SYNE1: variants seen among roughly 807,000 people sequenced by gnomAD.
SYNE1 encodes the protein spectrin repeat containing nuclear envelope protein 1, also known as nesprin-1.
In SYNE1, 616 loss-of-function variants were observed where a neutral mutation model predicts 1,111.0. The ratio of observed to expected loss-of-function variants is 0.55; its 90% CI spans 0.52 to 0.59. SYNE1 has a LOEUF of 0.59. SYNE1 is among the 20% of genes least tolerant of loss of function. The pLI is 0.00. For missense variants in SYNE1, 10,006 were observed against 10,417.0 expected (o/e 0.96, Z 1.72); for synonymous variants, 3,855 against 3,825.8 (o/e 1.01, Z -0.28).
intron 127 of SYNE1, among the ~76,000 whole-genome samples, chr6:152,191,681 A>G (rs1202472532): frequency 1.3e-5 from 2 of 151,890 alleles, no homozygotes; most frequent in African/African-American, 4.8e-5. Context: ...TTGTCAATTT[A>G]TCTTTTCAAA....
intron 95 of SYNE1, among the ~76,000 whole-genome samples, chr6:152,291,404 GA>G (rs1232216261): frequency 3.3e-5 from 5 of 151,680 alleles, no homozygotes; most frequent in Non-Finnish European, 7.4e-5. Context: ...TACCAACTTA[GA>G]AAGGGAAAAA....
chr6:152,263,780 C>T (rs2092369179), intron 100 of SYNE1, among the ~76,000 whole-genome samples: 1 of 151,830 alleles, frequency 6.6e-6, no homozygotes, highest in African/African-American at 2.4e-5. Context: ...TAATTTGTTT[C>T]ACTTCTCTGT....
intron 3 of SYNE1, among the ~76,000 whole-genome samples, chr6:152,582,481 A>G (rs2099523493): frequency 6.6e-6 from 1 of 152,054 alleles, no homozygotes; most frequent in Admixed American, 6.6e-5. Context: ...AAATTTATAT[A>G]TATACACACA....
chr6:152,339,181 C>T, intron 75 of SYNE1, 60 bp downstream of exon 75: 2 of 1,599,202 alleles, frequency 1.3e-6, no homozygotes, highest in Non-Finnish European at 1.7e-6. Context: ...TCACATGAAA[C>T]ATTCAAGCAA....
intron 81 of SYNE1, 71 bp from the exon 82 acceptor site, chr6:152,323,808 A>C (rs577833242): frequency 1.3e-6 from 2 of 1,550,536 alleles, no homozygotes; most frequent in Non-Finnish European, 1.8e-6. Flanking sequence ...ACTCCCATAA[A>C]AGCCACACAC....
rs1258107243 is a variant in SYNE1 at position 152,360,300 on chromosome 6, C to T, written c.10300-842G>A. Among the ~76,000 whole-genome samples the T allele has an allele frequency of 2.0e-5, 3 of 152,186 alleles. No homozygotes were observed. The East Asian group carries it at 5.8e-4, about 29-fold the overall frequency. On this transcript the variant is annotated intron_variant, in intron 64 of 145. Transcript: ENST00000367255. ...TACTCTCTGCTGCAACAACACCTGC[C>T]TGTTTCCTCACAGCTCCCCACTGCA...
chr6:152,254,572 A>G (rs922196109), intron 104 of SYNE1, among the ~76,000 whole-genome samples: 8 of 152,066 alleles, frequency 5.3e-5, no homozygotes, highest in African/African-American at 1.7e-4. Flanking sequence ...TTCTTTCGCA[A>G]TGTGTTTAAA....
chr6:152,234,506 GCTGGTCCCGAA>G (rs1245780343), intron 111 of SYNE1, among the ~76,000 whole-genome samples, 151 bp downstream of exon 111: 2 of 152,088 alleles, frequency 1.3e-5, no homozygotes, highest in Non-Finnish European at 2.9e-5. Flanking sequence ...TGTTGGTCAG[GCTGGTCCCGAA>G]CTCCTGACCT....
At chr6:152,294,833 T>C (rs529520744) in intron 93 of SYNE1, among the ~76,000 whole-genome samples, 16 of 152,264 alleles carry the variant, frequency 1.1e-4, no homozygotes, top group Non-Finnish European at 2.1e-4. Context: ...TCAAGAGATA[T>C]AGTAAAGATA....
At position 152,438,593 on chromosome 6, in the gene SYNE1, T is replaced by C. The variant is rs556729487; in HGVS notation, c.4150-2492A>G. On this transcript the variant is annotated intron_variant, in intron 32 of 145. Coordinates refer to ENST00000367255, the MANE Select transcript of SYNE1 (RefSeq NM_182961.4). ...TGGGATGAAACCTAGGCTCCAACCT[T>C]CATTAGCTGAGTGACCTTTGGCCAC... is the stretch of plus-strand genomic sequence containing the variant. 7.2e-5 allele frequency among the ~76,000 whole-genome samples: 11 copies of C among 152,322 alleles called. No individual in the cohort carries two copies. In the East Asian group the frequency reaches 2.1e-3, roughly 29 times the overall value.
intron 130 of SYNE1, chr6:152,168,417 C>T: frequency 1.8e-6 from 1 of 541,148 alleles, no homozygotes; most frequent in South Asian, 2.5e-5. Context: ...CAGGCTTGAT[C>T]TCCTGGAATG....
intron 55 of SYNE1, 55 bp from the exon 56 acceptor site, chr6:152,381,417 A>C: frequency 6.3e-7 from 1 of 1,577,696 alleles, no homozygotes; most frequent in Non-Finnish European, 8.7e-7. Context: ...CTTGGACTGC[A>C]AGTTTTCAAC....
intron 20 of SYNE1, 56 bp from the exon 21 acceptor site, chr6:152,461,796 C>T (rs2098735609): frequency 6.2e-7 from 1 of 1,611,380 alleles, no homozygotes; most frequent in African/African-American, 1.3e-5. Context: ...CTCTTAACTT[C>T]CGGATTCCAC....
intron 5 of SYNE1, among the ~76,000 whole-genome samples, chr6:152,521,592 C>T (rs1314671245): frequency 1.3e-5 from 2 of 152,112 alleles, no homozygotes; most frequent in African/African-American, 4.8e-5. Flanking sequence ...TTGCAGTCTC[C>T]ATTTACATTT....
chr6:152,503,076 T>G (rs1420522831), intron 9 of SYNE1, among the ~76,000 whole-genome samples: 1 of 152,164 alleles, frequency 6.6e-6, no homozygotes, highest in Non-Finnish European at 1.5e-5. Flanking sequence ...TATCTCATAC[T>G]AGTTCTATTC....
chr6:152,488,409 T>A lies in SYNE1; in HGVS notation c.1034A>T (p.Gln345Leu). 6.3e-7 allele frequency: 1 copy of A among 1,593,396 alleles called. No individual in the cohort carries two copies. Among genetic ancestry groups the A allele is most frequent in the Non-Finnish European group, 8.6e-7 (1 of 1,162,840 alleles). ...TCCATACAATACCTGATATTTATCC[T>A]GTAAATTTGATTCCACCATCTGTGC... ...TRAQMVESNL[Q>L]DKYQSFKHFR... Residue 345 changes from glutamine (Q) to leucine (L), a missense_variant, in exon 12 of 146, where the codon CAG becomes CTG. Coordinates refer to ENST00000367255, the MANE Select transcript of SYNE1 (RefSeq NM_182961.4).
At chr6:152,545,991 G>T (rs2099310700) in intron 3 of SYNE1, 1 of 152,098 alleles carries the variant, frequency 6.6e-6, no homozygotes, top group South Asian at 2.1e-4. Context: ...AATGCAGATT[G>T]AATTTCTTCC....
intron 5 of SYNE1, among the ~76,000 whole-genome samples, chr6:152,525,297 G>C (rs2099158477): frequency 6.6e-6 from 1 of 152,104 alleles, no homozygotes; most frequent in African/African-American, 2.4e-5. Context: ...TTATTGCCAA[G>C]ATACAAGTGA....
intron 72 of SYNE1, 116 bp downstream of exon 72, chr6:152,350,052 T>G: frequency 3.8e-6 from 5 of 1,328,942 alleles, no homozygotes; most frequent in Non-Finnish European, 5.4e-6. Flanking sequence ...ACAATCATTA[T>G]AAACCAGAGA....
Sources: allele counts gnomAD v4.1 joint callset (sites outside exome capture counted in the v4.1 genomes callset), GRCh38; gene constraint gnomAD v4.1.1; transcripts MANE v1.5; gene names NCBI Gene and HGNC (gene_info 2026-07-23, HGNC 2026-07-21).